GRIK2: variants seen among roughly 807,000 people sequenced by gnomAD.
GRIK2 encodes glutamate ionotropic receptor kainate type subunit 2.
Under a neutral mutation model 100.3 loss-of-function variants are expected in GRIK2, and 32 were observed. The observed-to-expected ratio is 0.32, with a 90% CI of 0.24 to 0.43. The LOEUF is 0.43. Ranked by LOEUF, GRIK2 falls within the 20% of genes least tolerant of loss-of-function variation. The pLI is 1.00. For missense variants in GRIK2, 843 were observed against 1,114.9 expected, an observed-to-expected ratio of 0.76 and a Z score of 3.47; for synonymous variants, 417 against 389.4, an observed-to-expected ratio of 1.07 and a Z score of -0.83.
intron 7 of GRIK2, among the ~76,000 whole-genome samples, chr6:101,725,911 C>T (rs1774830449): frequency 6.6e-6 from 1 of 151,810 alleles, no homozygotes; most frequent in Non-Finnish European, 1.5e-5. Flanking sequence ...TTTTCTTTTG[C>T]TTTTCATAAT....
chr6:101,815,955 G>T (rs141957786), intron 9 of GRIK2, among the ~76,000 whole-genome samples: 1 of 152,256 alleles, frequency 6.6e-6, no homozygotes, highest in Non-Finnish European at 1.5e-5. Flanking sequence ...ATTCATCTGT[G>T]TCAGAACTCC....
At chr6:101,440,805 C>CAA in intron 2 of GRIK2, among the ~76,000 whole-genome samples, 1 of 152,056 alleles carries the variant, frequency 6.6e-6, no homozygotes, top group South Asian at 2.1e-4. Context: ...TTGTCTGCGC[C>CAA]CTTCCTCCTA....
chr6:101,681,897 A>T (rs1386788758), intron 5 of GRIK2, among the ~76,000 whole-genome samples: 2 of 152,342 alleles, frequency 1.3e-5, no homozygotes, highest in African/African-American at 4.8e-5. Context: ...AGAGAAAATG[A>T]CATGGACACT....
intron 14 of GRIK2, among the ~76,000 whole-genome samples, chr6:101,987,697 T>A (rs1358308977): frequency 9.9e-5 from 15 of 150,794 alleles, no homozygotes; most frequent in Non-Finnish European, 1.9e-4. Flanking sequence ...TATGGAAATT[T>A]AAATTTATGA....
intron 1 of GRIK2, among the ~76,000 whole-genome samples, chr6:101,395,559 T>A (rs999011773): frequency 1.3e-5 from 2 of 152,192 alleles, no homozygotes; most frequent in Non-Finnish European, 2.9e-5. Flanking sequence ...CTAACTAGAA[T>A]AAGATTCATT....
intron 14 of GRIK2, among the ~76,000 whole-genome samples, chr6:102,014,397 G>T (rs1304061280): frequency 6.6e-6 from 1 of 151,440 alleles, no homozygotes; most frequent in Non-Finnish European, 1.5e-5. Context: ...ACCCACTCCT[G>T]CCTTCACTGA....
chr6:101,687,258 T>C (rs990166039), intron 7 of GRIK2, among the ~76,000 whole-genome samples: 4 of 151,984 alleles, frequency 2.6e-5, no homozygotes, highest in African/African-American at 9.7e-5. Context: ...TAGGTATGTG[T>C]CATGTTATTT....
In GRIK2 at chr6:101,435,354, C is replaced by T. The variant is rs923949609; in HGVS notation, c.115+35962C>T. ...ACCATGCCAAGATTTAGACAATTCT[C>T]CCAATTAACTACATTGTGAAGGCAC... On this transcript the variant is annotated intron_variant, in intron 2 of 16. Coordinates refer to ENST00000369134, the MANE Select transcript of GRIK2 (RefSeq NM_021956.5). Among the ~76,000 whole-genome samples, 6 of 151,592 alleles carry T rather than the reference C, an allele frequency of 4.0e-5. No homozygotes were observed. The East Asian group carries it at 1.2e-3, about 30-fold the overall frequency.
intron 7 of GRIK2, among the ~76,000 whole-genome samples, chr6:101,770,038 A>G (rs1358002956): frequency 1.3e-5 from 2 of 152,104 alleles, no homozygotes; most frequent in South Asian, 2.1e-4. Context: ...TTTTTTTGTT[A>G]TCAGACATAC....
chr6:101,498,585 T>G (rs36142524), intron 2 of GRIK2, among the ~76,000 whole-genome samples: 51,296 of 149,052 alleles, frequency 0.34, 9,034 homozygotes, highest in Middle Eastern at 0.45. Flanking sequence ...TGGTATCTCA[T>G]TGTGGTTTTG....
chr6:101,614,390 A>G (rs555288888), intron 2 of GRIK2, among the ~76,000 whole-genome samples: 1 of 151,710 alleles, frequency 6.6e-6, no homozygotes, highest in East Asian at 1.9e-4. Flanking sequence ...AATTGCTTAT[A>G]TTTTTCCAGT....
At chr6:101,792,558 A>G (rs113411943) in intron 7 of GRIK2, among the ~76,000 whole-genome samples, 38 of 151,820 alleles carry the variant, frequency 2.5e-4, no homozygotes, top group Admixed American at 1.7e-3. Flanking sequence ...TGGCTTGTAG[A>G]GTTTCTGCCG....
chr6:101,783,023 A>AT (rs1002718000), intron 7 of GRIK2, among the ~76,000 whole-genome samples: 8 of 151,282 alleles, frequency 5.3e-5, no homozygotes, highest in South Asian at 4.2e-4. Flanking sequence ...TGCCCGGCTA[A>AT]TTTTTTTTGT....
intron 10 of GRIK2, among the ~76,000 whole-genome samples, chr6:101,852,033 TA>T (rs1297320720): frequency 6.6e-6 from 1 of 151,872 alleles, no homozygotes; most frequent in Admixed American, 6.6e-5. Flanking sequence ...TGACCTCATG[TA>T]GTTGTTATGG....
In GRIK2 at chr6:101,905,497, GTTATA is replaced by G. The variant is rs563661417; in HGVS notation, c.1748+15639_1748+15643del. Among the ~76,000 whole-genome samples, 66 of 151,544 alleles carry G rather than the reference GTTATA, an allele frequency of 4.4e-4. 2 individuals are homozygous for G. Among genetic ancestry groups the G allele is most frequent in the African/African-American group, 1.5e-3 (63 of 41,454 alleles). ...TTGTTTGTTTCTTAAAGTTAGTAAA[GTTATA>G]TTATTTATTTAGTTTGTGATCATAA... is the stretch of plus-strand genomic sequence containing the variant. On this transcript the variant is annotated intron_variant, in intron 12 of 16. Coordinates refer to ENST00000369134, the MANE Select transcript of GRIK2 (RefSeq NM_021956.5).
At chr6:101,555,169 T>A (rs1383908706) in intron 2 of GRIK2, among the ~76,000 whole-genome samples, 1 of 152,204 alleles carries the variant, frequency 6.6e-6, no homozygotes, top group Non-Finnish European at 1.5e-5. Flanking sequence ...CTGCTTCTGT[T>A]ATGGTAACCC....
At chr6:101,513,842 CATTAT>C (rs199607010) in intron 2 of GRIK2, among the ~76,000 whole-genome samples, 2,119 of 95,632 alleles carry the variant, frequency 0.022, 45 homozygotes, top group African/African-American at 0.11. Context: ...TATCTTAAAA[CATTAT>C]ATTAATTGAA....
chr6:101,836,618 G>T (rs62419283), intron 10 of GRIK2, among the ~76,000 whole-genome samples: 96,871 of 118,924 alleles, frequency 0.81, 37,500 homozygotes, highest in Middle Eastern at 0.92. Flanking sequence ...TATATATATA[G>T]TTATATATAT....
intron 10 of GRIK2, among the ~76,000 whole-genome samples, chr6:101,820,762 T>C (rs1253887905): frequency 1.3e-5 from 2 of 152,140 alleles, no homozygotes; most frequent in Non-Finnish European, 2.9e-5. Flanking sequence ...TTCTTTATGT[T>C]CTGCAGTAAA....
Sources: allele counts gnomAD v4.1 joint callset (sites outside exome capture counted in the v4.1 genomes callset), GRCh38; gene constraint gnomAD v4.1.1; transcripts MANE v1.5; gene names NCBI Gene and HGNC (gene_info 2026-07-23, HGNC 2026-07-21).